Variants in CSMD1 observed in about 807,000 individuals in gnomAD.
CSMD1 encodes CUB and sushi domain-containing protein 1.
A neutral mutation model predicts 417.5 loss-of-function variants in CSMD1; 213 were observed. The ratio of observed to expected loss-of-function variants is 0.51; its 90% confidence interval spans 0.46 to 0.57. The LOEUF (loss-of-function observed/expected upper bound fraction) is 0.57, where lower values mean the gene tolerates loss of function less well. Among genes scored for constraint, CSMD1 ranks in the 20% least tolerant of loss-of-function variants. The pLI is 0.00. For missense variants in CSMD1, 6,923 were observed against 4,529.7 expected (o/e 1.53, Z -15.17); for synonymous variants, 2,862 against 1,736.8 (o/e 1.65, Z -16.11).
At chr8:4,128,222 A>G (rs999205497) in intron 3 of CSMD1, among the ~76,000 whole-genome samples, 1 of 152,152 alleles carries the variant, frequency 6.6e-6, no homozygotes, top group Non-Finnish European at 1.5e-5. Context: ...CCTCCTTGAA[A>G]GGCATGTTTC....
chr8:4,639,927 A>T (rs1723551014), intron 1 of CSMD1, among the ~76,000 whole-genome samples: 1 of 152,212 alleles, frequency 6.6e-6, no homozygotes, highest in African/African-American at 2.4e-5. Flanking sequence ...TAAATATTAA[A>T]GCTGTGGGGT....
chr8:4,819,288 G>C (rs1053637116), intron 1 of CSMD1, among the ~76,000 whole-genome samples: 2 of 151,998 alleles, frequency 1.3e-5, no homozygotes, highest in Admixed American at 1.3e-4. Context: ...TTAAAAACTT[G>C]TTCATATGAT....
At chr8:3,063,635 G>GTTA (rs1812736017) in intron 49 of CSMD1, among the ~76,000 whole-genome samples, 1 of 152,144 alleles carries the variant, frequency 6.6e-6, no homozygotes, top group African/African-American at 2.4e-5. Context: ...CACACAGTGG[G>GTTA]TTATTACTCA....
chr8:3,545,777 G>A (rs1187949370), intron 10 of CSMD1, among the ~76,000 whole-genome samples: 1 of 152,196 alleles, frequency 6.6e-6, no homozygotes, highest in South Asian at 2.1e-4. Flanking sequence ...ATAAGCTTTT[G>A]TTAAAAAAAT....
chr8:4,786,361 T>C (rs1473573042), intron 1 of CSMD1, among the ~76,000 whole-genome samples: 9 of 152,218 alleles, frequency 5.9e-5, no homozygotes, highest in African/African-American at 2.2e-4. Context: ...GCAGTTGAGA[T>C]TAAAATGGCA....
chr8:3,229,666 G>A (rs1212046644), intron 27 of CSMD1, among the ~76,000 whole-genome samples: 1 of 152,146 alleles, frequency 6.6e-6, no homozygotes, highest in East Asian at 1.9e-4. Flanking sequence ...TACTTTTAGT[G>A]AGTAGGTTTT....
intron 1 of CSMD1, among the ~76,000 whole-genome samples, chr8:4,670,150 T>A (rs542962145): frequency 1.3e-5 from 2 of 152,308 alleles, no homozygotes; most frequent in South Asian, 4.1e-4. Context: ...TAGTTTTTCA[T>A]CTCCTACACT....
intron 3 of CSMD1, among the ~76,000 whole-genome samples, chr8:4,291,933 A>G (rs1174878142): frequency 2.0e-5 from 3 of 152,196 alleles, no homozygotes; most frequent in Non-Finnish European, 4.4e-5. Flanking sequence ...GCCCTATGTG[A>G]AAAAGCAGGC....
At chr8:4,974,950 G>A (rs1026039243) in intron 1 of CSMD1, among the ~76,000 whole-genome samples, 10 of 152,140 alleles carry the variant, frequency 6.6e-5, no homozygotes, top group African/African-American at 1.9e-4. Context: ...AGAATTATTC[G>A]ACAATAGATT....
chr8:4,530,346 C>CTTTTTTTTTTTTTTTTTTTGTT (rs1195374053), intron 2 of CSMD1, among the ~76,000 whole-genome samples: 1 of 62,076 alleles, frequency 1.6e-5, no homozygotes, highest in Non-Finnish European at 3.0e-5. Context: ...TTTTTTTTTA[C>CTTTTTTTTTTTTTTTTTTTGTT]TTTCAGTGCT....
At chr8:4,645,444 C>CAAAAAAAA (rs549511320) in intron 1 of CSMD1, among the ~76,000 whole-genome samples, 5,363 of 36,822 alleles carry the variant, frequency 0.15, 1,791 homozygotes, top group South Asian at 0.17. Flanking sequence ...AGTGCAGGGG[C>CAAAAAAAA]AAAAAAAAAA....
At chr8:3,741,784 T>C (rs1796817764) in intron 6 of CSMD1, among the ~76,000 whole-genome samples, 1 of 152,204 alleles carries the variant, frequency 6.6e-6, no homozygotes, top group Admixed American at 6.5e-5. Context: ...ATATGCCCAT[T>C]TCTCTATGAC....
intron 2 of CSMD1, among the ~76,000 whole-genome samples, chr8:4,545,757 G>A (rs3802308): frequency 1.4e-4 from 22 of 152,216 alleles, no homozygotes; most frequent in East Asian, 1.4e-3. Flanking sequence ...ATGGAAAAAC[G>A]CATCTGTACC....
chr8:3,014,316 T>C (rs1174805813), intron 52 of CSMD1, among the ~76,000 whole-genome samples: 3 of 152,168 alleles, frequency 2.0e-5, no homozygotes, highest in Non-Finnish European at 4.4e-5. Context: ...TATGTGAAAA[T>C]ACATTTCCAA....
At chr8:3,915,573 T>G (rs940342858) in intron 5 of CSMD1, among the ~76,000 whole-genome samples, 6 of 151,710 alleles carry the variant, frequency 4.0e-5, no homozygotes, top group African/African-American at 9.7e-5. Context: ...AATTCTATAA[T>G]AGTCAGACAT....
chr8:3,202,455 C>A (rs1045479334), intron 31 of CSMD1, among the ~76,000 whole-genome samples: 1 of 152,174 alleles, frequency 6.6e-6, no homozygotes, highest in African/African-American at 2.4e-5. Context: ...GAACACACCT[C>A]CTCCAAGTGA....
chr8:3,141,020 C>A (rs1027029412), intron 41 of CSMD1, among the ~76,000 whole-genome samples: 1 of 152,186 alleles, frequency 6.6e-6, no homozygotes, highest in Admixed American at 6.5e-5. Context: ...GAGAGACCTA[C>A]AGACTTACTG....
chr8:4,985,109 G>T (rs1229920279), intron 1 of CSMD1, among the ~76,000 whole-genome samples: 1 of 152,116 alleles, frequency 6.6e-6, no homozygotes, highest in African/African-American at 2.4e-5. Flanking sequence ...ACTAATCTAG[G>T]AACAGAAAAT....
intron 11 of CSMD1, among the ~76,000 whole-genome samples, chr8:3,481,658 G>A (rs745381003): frequency 2.0e-5 from 3 of 152,192 alleles, no homozygotes; most frequent in Non-Finnish European, 2.9e-5. Context: ...GCCACCACTA[G>A]TATCCATATA....
Sources: gnomAD v4.1 joint callset for allele counts (sites outside exome capture counted in the v4.1 genomes callset) on GRCh38, gnomAD v4.1.1 for gene constraint, MANE v1.5 for transcripts, NCBI Gene and HGNC (gene_info 2026-07-23, HGNC 2026-07-21) for gene names.